The following EGFLAM variants were observed in gnomAD, a reference collection of about 807,000 sequenced individuals.
EGFLAM encodes EGF like, fibronectin type III and laminin G domains.
In EGFLAM, 79 loss-of-function variants were observed where a neutral mutation model predicts 113.1. That is an observed-to-expected ratio of 0.70 (90% CI 0.58 to 0.84). EGFLAM has a LOEUF of 0.84. EGFLAM is among the 40% of genes least tolerant of loss of function. The probability of loss-of-function intolerance (pLI) is 0.00; values close to 1 mark genes in which losing one functional copy is unlikely to be tolerated. For missense variants in EGFLAM, 1,265 were observed against 1,291.6 expected, an observed-to-expected ratio of 0.98 and a Z score of 0.32; for synonymous variants, 504 against 487.6, an observed-to-expected ratio of 1.03 and a Z score of -0.44.
intron 1 of EGFLAM, among the ~76,000 whole-genome samples, chr5:38,308,996 GACTCACA>G (rs1455881789): frequency 6.6e-6 from 1 of 152,172 alleles, no homozygotes; most frequent in Non-Finnish European, 1.5e-5. Flanking sequence ...AGCTCCTACA[GACTCACA>G]AGAGCCAATT....
At chr5:38,445,802 G>C in intron 17 of EGFLAM, 1 of 1,280,126 alleles carries the variant, frequency 7.8e-7, no homozygotes, top group East Asian at 2.3e-5. Context: ...TGGGAGCTGG[G>C]ACATGCCTAC....
At chr5:38,301,126 G>A (rs1579745101) in intron 1 of EGFLAM, among the ~76,000 whole-genome samples, 1 of 152,150 alleles carries the variant, frequency 6.6e-6, no homozygotes, top group South Asian at 2.1e-4. Context: ...AGAAACTGTG[G>A]TCAGAACAAT....
intron 16 of EGFLAM, among the ~76,000 whole-genome samples, chr5:38,437,794 A>T (rs1742396365): frequency 6.6e-6 from 1 of 152,150 alleles, no homozygotes; most frequent in African/African-American, 2.4e-5. Flanking sequence ...TCAACTTGGG[A>T]TCACTTCAGC....
chr5:38,453,542 C>A lies in EGFLAM; in HGVS notation c.2687+2084C>A, dbSNP rs558690143. Among the ~76,000 whole-genome samples, 5 of 152,280 alleles carry A rather than the reference C, an allele frequency of 3.3e-5. No homozygotes were observed. The South Asian group carries it at 1.0e-3, about 32-fold the overall frequency. ...ATGATTGTTGGGGACTTTGGAGACT[C>A]ATATGTAGTTGAGGCTGGATGCTGG... On this transcript the variant is annotated intron_variant, in intron 19 of 21. Coordinates refer to ENST00000322350, the MANE Select transcript of EGFLAM (RefSeq NM_152403.4).
At chr5:38,354,275 CT>C (rs1410310928) in intron 5 of EGFLAM, among the ~76,000 whole-genome samples, 1 of 152,042 alleles carries the variant, frequency 6.6e-6, no homozygotes, top group African/African-American at 2.4e-5. Flanking sequence ...GATTCTAATC[CT>C]GGTTCCAATA....
rs1743262639 is a variant in EGFLAM at position 38,461,267 on chromosome 5, T to C, written c.2772-1641T>C. 2.0e-5 allele frequency: 3 copies of C among 152,334 alleles called. No individual in the cohort carries two copies. The South Asian group carries it at 6.2e-4, about 32-fold the overall frequency. The allele number at this position is 152,334 out of a possible 1,614,324, so 9.4% of individuals were successfully genotyped here. A position where few individuals can be genotyped will look rare whatever the true frequency, so the allele number is the denominator to read the frequency against. ...CTTATATCATTCCAGACACAGGAGA[T>C]ACCTCATTGAAGAAAATTAACATCC... On this transcript the variant is annotated intron_variant, in intron 20 of 21. Coordinates refer to ENST00000322350, the MANE Select transcript of EGFLAM (RefSeq NM_152403.4).
intron 5 of EGFLAM, among the ~76,000 whole-genome samples, chr5:38,360,481 C>G (rs2589809): frequency 0.54 from 81,692 of 151,970 alleles, 23,686 homozygotes; most frequent in East Asian, 0.67. Flanking sequence ...CGTCTAGTAT[C>G]AAGACGTAGG....
Position 38,462,889 on chromosome 5 carries a change from T to C in EGFLAM, c.2772-19T>C. The C allele has an allele frequency of 6.2e-7, 1 of 1,613,870 alleles. No individual in the cohort carries two copies. Among genetic ancestry groups the C allele is most frequent in the Non-Finnish European group, 8.5e-7 (1 of 1,179,788 alleles). On this transcript the variant is annotated intron_variant, in intron 20 of 21. Coordinates refer to ENST00000322350, the MANE Select transcript of EGFLAM (RefSeq NM_152403.4). ...AAAATGCCAGGCTTTTTGTTCTTTT[T>C]TGTTTTGGTGTTTTGCAGGGATGGC...
At chr5:38,342,905 A>C (rs572474727) in intron 3 of EGFLAM, among the ~76,000 whole-genome samples, 2 of 152,156 alleles carry the variant, frequency 1.3e-5, no homozygotes, top group African/African-American at 4.8e-5. Context: ...AATAGAGTTC[A>C]TGTGTTTTCT....
chr5:38,433,203 A>G (rs1742241400), intron 15 of EGFLAM, among the ~76,000 whole-genome samples: 1 of 152,170 alleles, frequency 6.6e-6, no homozygotes. Flanking sequence ...GGGTTAGAGT[A>G]CACTTTGAGG....
Position 38,427,519 on chromosome 5 carries a change from C to A in EGFLAM, c.2054+267C>A, listed in dbSNP as rs1742056601. On this transcript the variant is annotated intron_variant, in intron 14 of 21. Transcript: ENST00000322350. ...CTTCAAACTATGGAAAATGGACTTG[C>A]TTCAGGTGGAGGTAAACTGCCTCCA... The A allele has an allele frequency of 1.6e-5, 7 of 449,690 alleles. No homozygotes were observed. In the South Asian group the frequency reaches 2.3e-4, roughly 15 times the overall value. 27.9% of individuals were successfully genotyped at this position (449,690 alleles called of 1,614,324 possible). A position where few individuals can be genotyped will look rare whatever the true frequency, so the allele number is the denominator to read the frequency against.
At chr5:38,411,816 A>T (rs1024056053) in intron 10 of EGFLAM, among the ~76,000 whole-genome samples, 4 of 150,268 alleles carry the variant, frequency 2.7e-5, no homozygotes, top group Non-Finnish European at 5.9e-5. Flanking sequence ...TTTTATTTTT[A>T]TTTATTTTTG....
intron 6 of EGFLAM, among the ~76,000 whole-genome samples, chr5:38,395,527 G>C (rs970728991): frequency 1.3e-5 from 2 of 152,172 alleles, no homozygotes; most frequent in Non-Finnish European, 2.9e-5. Context: ...AGAGTGAGAA[G>C]AGAGGGTCTA....
At chr5:38,290,275 G>T (rs1033591497) in intron 1 of EGFLAM, among the ~76,000 whole-genome samples, 1 of 152,150 alleles carries the variant, frequency 6.6e-6, no homozygotes. Context: ...GTTTTCCACC[G>T]ATTCCTATCC....
intron 1 of EGFLAM, among the ~76,000 whole-genome samples, chr5:38,301,887 A>G (rs1758588961): frequency 6.6e-6 from 1 of 152,134 alleles, no homozygotes; most frequent in Non-Finnish European, 1.5e-5. Flanking sequence ...TGAAGTTGGC[A>G]TCAATTTCCA....
At chr5:38,278,652 C>T (rs1053677843) in intron 1 of EGFLAM, among the ~76,000 whole-genome samples, 1 of 152,046 alleles carries the variant, frequency 6.6e-6, no homozygotes. Flanking sequence ...CCACACCTGG[C>T]TAATTTTTGT....
intron 1 of EGFLAM, among the ~76,000 whole-genome samples, chr5:38,273,447 CAGA>C: frequency 6.6e-6 from 1 of 152,262 alleles, no homozygotes; most frequent in Non-Finnish European, 1.5e-5. Context: ...AGGAAGGCCT[CAGA>C]AGGTGTGACT....
At chr5:38,390,596 A>C (rs1032850338) in intron 6 of EGFLAM, among the ~76,000 whole-genome samples, 28 of 152,200 alleles carry the variant, frequency 1.8e-4, no homozygotes, top group Non-Finnish European at 3.7e-4. Flanking sequence ...TTTCACTGCT[A>C]TCTTCACTCC....
chr5:38,431,419 G>A, intron 15 of EGFLAM, 131 bp downstream of exon 15: 3 of 812,794 alleles, frequency 3.7e-6, no homozygotes, highest in Non-Finnish European at 5.8e-6. Flanking sequence ...GGAAATCCCA[G>A]CTCCCCACTG....
Sources: allele counts gnomAD v4.1 joint callset (sites outside exome capture counted in the v4.1 genomes callset), GRCh38; gene constraint gnomAD v4.1.1; transcripts MANE v1.5; gene names NCBI Gene and HGNC (gene_info 2026-07-23, HGNC 2026-07-21).